MARCHF1: variants seen among roughly 807,000 people sequenced by gnomAD.
The protein encoded by MARCHF1 is E3 ubiquitin-protein ligase MARCHF1.
A neutral mutation model predicts 54.2 loss-of-function variants in MARCHF1; 40 were observed. The ratio of observed to expected loss-of-function variants is 0.74; its 90% CI spans 0.57 to 0.96. The LOEUF (loss-of-function observed/expected upper bound fraction) is 0.96. Ranked by LOEUF, MARCHF1 falls within the 40% of genes least tolerant of loss-of-function variation. The pLI is 0.00. For missense variants in MARCHF1, 586 were observed against 656.5 expected, an observed-to-expected ratio of 0.89 and a Z score of 1.17; for synonymous variants, 236 against 236.3, an observed-to-expected ratio of 1.00 and a Z score of 0.01.
At chr4:163,725,682 G>T (rs761198311) in intron 4 of MARCHF1, among the ~76,000 whole-genome samples, 2 of 152,112 alleles carry the variant, frequency 1.3e-5, no homozygotes, top group African/African-American at 2.4e-5. Context: ...GCATGTCAGG[G>T]CACAGAATCT....
intron 1 of MARCHF1, among the ~76,000 whole-genome samples, chr4:164,280,456 T>A (rs1164664188): frequency 1.3e-5 from 2 of 151,986 alleles, no homozygotes; most frequent in Non-Finnish European, 2.9e-5. Flanking sequence ...TTTAAATTAG[T>A]GGAAAGAAAT....
At chr4:163,531,025 CA>C (rs1164298583) in intron 9 of MARCHF1, among the ~76,000 whole-genome samples, 1 of 151,844 alleles carries the variant, frequency 6.6e-6, no homozygotes, top group Non-Finnish European at 1.5e-5. Flanking sequence ...GCACCAAGCT[CA>C]AATAGTTTTA....
intron 4 of MARCHF1, among the ~76,000 whole-genome samples, chr4:163,758,286 G>T (rs1746735153): frequency 6.6e-6 from 1 of 152,120 alleles, no homozygotes; most frequent in Non-Finnish European, 1.5e-5. Context: ...AAGACAGCTG[G>T]ACCGGGCTGG....
intron 1 of MARCHF1, among the ~76,000 whole-genome samples, chr4:164,205,202 A>T (rs1731572387): frequency 6.6e-6 from 1 of 152,198 alleles, no homozygotes; most frequent in South Asian, 2.1e-4. Flanking sequence ...AAAAGAAAAC[A>T]ATCTATGTAT....
intron 4 of MARCHF1, among the ~76,000 whole-genome samples, chr4:163,745,414 C>T (rs919632192): frequency 2.0e-5 from 3 of 151,904 alleles, no homozygotes; most frequent in African/African-American, 7.3e-5. Context: ...TGCCCAGCCA[C>T]CATGCTTGTT....
At chr4:164,378,870 C>T (rs182307804) in intron 1 of MARCHF1, among the ~76,000 whole-genome samples, 2 of 152,218 alleles carry the variant, frequency 1.3e-5, no homozygotes, top group Admixed American at 1.3e-4. Context: ...TGCCACCATG[C>T]CTGGCTAATT....
At chr4:164,095,626 A>G (rs1387244226) in intron 2 of MARCHF1, among the ~76,000 whole-genome samples, 1 of 152,180 alleles carries the variant, frequency 6.6e-6, no homozygotes, top group African/African-American at 2.4e-5. Context: ...TAGTTTCATT[A>G]TGAACTGTAT....
intron 1 of MARCHF1, among the ~76,000 whole-genome samples, chr4:164,130,369 T>C (rs147068190): frequency 3.3e-5 from 5 of 152,284 alleles, no homozygotes; most frequent in African/African-American, 1.2e-4. Flanking sequence ...TGTTATGGAA[T>C]AGAGTGCTTT....
chr4:164,135,624 C>T (rs1756384601), intron 1 of MARCHF1: 1 of 152,168 alleles, frequency 6.6e-6, no homozygotes, highest in South Asian at 2.1e-4. Flanking sequence ...CCCCATGATT[C>T]AATCACCTCC....
At chr4:163,621,552 A>G (rs1741697157) in intron 5 of MARCHF1, among the ~76,000 whole-genome samples, 1 of 152,176 alleles carries the variant, frequency 6.6e-6, no homozygotes, top group African/African-American at 2.4e-5. Context: ...TTTTTTAAAC[A>G]AAGAAAACTG....
At position 163,994,720 on chromosome 4, in the gene MARCHF1, C is replaced by A. The variant is rs184385762; in HGVS notation, c.-247-6011G>T. Among the ~76,000 whole-genome samples, 41 of 147,652 alleles carry A rather than the reference C, an allele frequency of 2.8e-4. No homozygotes were observed. The East Asian group carries it at 8.0e-3, about 29-fold the overall frequency. ...TCAAGCAAAGGAGTCCTGGACCTAA[C>A]AGTCCTAATCAAGCACACATACACA... On this transcript the variant is annotated intron_variant, in intron 2 of 9. Transcript: ENST00000514618.
intron 9 of MARCHF1, chr4:163,529,816 C>T (rs1290971159): frequency 6.6e-6 from 1 of 151,888 alleles, no homozygotes; most frequent in African/African-American, 2.4e-5. Flanking sequence ...TTAGGCAATA[C>T]ATAATTATGA....
At chr4:164,253,157 T>C (rs1733174728) in intron 1 of MARCHF1, among the ~76,000 whole-genome samples, 1 of 152,032 alleles carries the variant, frequency 6.6e-6, no homozygotes, top group Admixed American at 6.6e-5. Context: ...ATAAAGGAAA[T>C]ACAATACTTC....
intron 1 of MARCHF1, among the ~76,000 whole-genome samples, chr4:164,305,645 C>A (rs892312813): frequency 1.3e-5 from 2 of 152,058 alleles, no homozygotes; most frequent in Admixed American, 6.6e-5. Flanking sequence ...GTAAAGACTG[C>A]ATTTAATATT....
intron 4 of MARCHF1, among the ~76,000 whole-genome samples, chr4:163,738,729 G>C (rs1396123493): frequency 1.3e-5 from 2 of 152,150 alleles, no homozygotes; most frequent in Non-Finnish European, 2.9e-5. Context: ...CAGGATTTAG[G>C]CTGAGTAAAA....
chr4:163,829,726 CTTTTGGCAATGCAAAT>C (rs1560776112), intron 4 of MARCHF1, among the ~76,000 whole-genome samples: 5 of 143,440 alleles, frequency 3.5e-5, no homozygotes, highest in Non-Finnish European at 6.2e-5. Context: ...GCCAGCATTA[CTTTTGGCAATGCAAAT>C]GTATATTATG....
intron 1 of MARCHF1, among the ~76,000 whole-genome samples, chr4:164,232,896 A>T (rs1452619708): frequency 6.6e-6 from 1 of 152,174 alleles, no homozygotes; most frequent in African/African-American, 2.4e-5. Flanking sequence ...ATTTTTGTCC[A>T]TTTTATAAAA....
At chr4:164,245,349 C>A (rs1205443406) in intron 1 of MARCHF1, among the ~76,000 whole-genome samples, 1 of 152,148 alleles carries the variant, frequency 6.6e-6, no homozygotes, top group Admixed American at 6.5e-5. Context: ...AGACAAAAAC[C>A]ACATGATTAT....
chr4:163,839,129 A>T (rs1749268836), intron 4 of MARCHF1, among the ~76,000 whole-genome samples: 1 of 152,124 alleles, frequency 6.6e-6, no homozygotes. Context: ...GATCACCATC[A>T]TTATTTAGCA....
Sources: gnomAD v4.1 joint callset for allele counts (sites outside exome capture counted in the v4.1 genomes callset) on GRCh38, gnomAD v4.1.1 for gene constraint, MANE v1.5 for transcripts, NCBI Gene and HGNC (gene_info 2026-07-23, HGNC 2026-07-21) for gene names.